The following FMO3 variants were observed in gnomAD, a reference collection of about 807,000 sequenced individuals.
FMO3 encodes flavin containing dimethylaniline monoxygenase 3, also known as flavin-containing monooxygenase 3.
In FMO3, 40 loss-of-function variants were observed where a neutral mutation model predicts 39.4. The observed-to-expected ratio is 1.02, with a 90% CI of 0.79 to 1.32. The LOEUF (loss-of-function observed/expected upper bound fraction) is 1.32. FMO3 is among the 40% of genes most tolerant of loss of function. The pLI, the probability that FMO3 is intolerant of heterozygous loss-of-function variation, is 0.00. For synonymous variants in FMO3, 219 were observed against 228.8 expected (o/e 0.96, Z 0.39); for missense variants, 680 against 651.8 (o/e 1.04, Z -0.47).
At chr1:171,104,842 C>T (rs188059104) in intron 3 of FMO3, among the ~76,000 whole-genome samples, 5 of 151,996 alleles carry the variant, frequency 3.3e-5, no homozygotes, top group Non-Finnish European at 7.4e-5. Context: ...CCACTGCACT[C>T]CAGCCTGGGC....
chr1:171,103,682 C>T, intron 2 of FMO3, 103 bp from the exon 3 acceptor site: 1 of 969,766 alleles, frequency 1.0e-6, no homozygotes, highest in Non-Finnish European at 1.7e-6. Context: ...CTGGAACCTT[C>T]CATAGATACC....
chr1:171,117,339 C>T lies in FMO3; in HGVS notation c.1496C>T (p.Thr499Ile), dbSNP rs1184909488. ...QWDRSLKPMQ[T>I]RVVGRLQKPC... is the part of the protein sequence containing the mutation. ...GACCGGTCGTTGAAACCCATGCAGACACGAGTGGTCGGGAGACTTCAGAAG... is the reference window on the plus strand; with the variant it reads ...GACCGGTCGTTGAAACCCATGCAGATACGAGTGGTCGGGAGACTTCAGAAG... Residue 499 changes from threonine (T) to isoleucine (I), a missense_variant, in exon 9 of 9, where the codon ACA (threonine) becomes ATA (isoleucine). Transcript: ENST00000367755. The T allele has an allele frequency of 6.2e-7, 1 of 1,613,654 alleles. No individual in the cohort carries two copies. The highest frequency in any genetic ancestry group is 1.7e-4 in the Middle Eastern group (1 of 6,054).
At chr1:171,096,071 T>TAAA (rs1491505210) in intron 2 of FMO3, among the ~76,000 whole-genome samples, 3 of 53,660 alleles carry the variant, frequency 5.6e-5, no homozygotes, top group Admixed American at 3.4e-4. Flanking sequence ...ATATTATATA[T>TAAA]TAATATATAA....
chr1:171,101,742 C>A (rs777896523), intron 2 of FMO3: 8 of 517,822 alleles, frequency 1.5e-5, no homozygotes, highest in South Asian at 1.2e-4. Flanking sequence ...GACATTTCAC[C>A]CAGATCTGCG....
At chr1:171,105,983 A>G (rs566471349) in intron 3 of FMO3, among the ~76,000 whole-genome samples, 2 of 150,696 alleles carry the variant, frequency 1.3e-5, no homozygotes, top group South Asian at 2.2e-4. Flanking sequence ...GAGATGTGCT[A>G]TAAGTATAAA....
intron 8 of FMO3, among the ~76,000 whole-genome samples, chr1:171,116,874 A>C (rs1442910984): frequency 3.9e-5 from 6 of 152,324 alleles, no homozygotes; most frequent in Non-Finnish European, 7.3e-5. Flanking sequence ...TTCCAAATGA[A>C]ACCATATGAA....
Position 171,113,988 on chromosome 1 carries a change from GTC to G in FMO3, c.828-15_828-14del, listed in dbSNP as rs1197709388. 1.6e-5 allele frequency: 23 copies of G among 1,468,802 alleles called. No homozygotes were observed. Among genetic ancestry groups the G allele is most frequent in the Non-Finnish European group, 2.1e-5 (22 of 1,057,240 alleles). 91.0% of individuals were successfully genotyped at this position (1,468,802 alleles called of 1,614,324 possible). ...GGGAAATATTACACTTCCAATAATTGTCTCTGTTTTCCATACAGAGTCCTGAG... is the reference window on the plus strand; with the variant it reads ...GGGAAATATTACACTTCCAATAATTGTCTGTTTTCCATACAGAGTCCTGAG... On this transcript the variant is annotated splice_polypyrimidine_tract_variant and intron_variant, in intron 6 of 8. Coordinates refer to ENST00000367755, the MANE Select transcript of FMO3 (RefSeq NM_001002294.3).
chr1:171,095,598 A>T (rs1230503996), intron 2 of FMO3, among the ~76,000 whole-genome samples: 1 of 151,090 alleles, frequency 6.6e-6, no homozygotes, highest in African/African-American at 2.4e-5. Context: ...TATTTAATGA[A>T]ACAGTGTCTG....
intron 3 of FMO3, among the ~76,000 whole-genome samples, chr1:171,106,337 T>C (rs1207219650): frequency 1.3e-5 from 2 of 152,032 alleles, no homozygotes; most frequent in African/African-American, 4.8e-5. Flanking sequence ...ATGGGGTTTC[T>C]CCATGTTGGT....
chr1:171,103,054 A>G (rs1460097772), intron 2 of FMO3, among the ~76,000 whole-genome samples: 1 of 152,094 alleles, frequency 6.6e-6, no homozygotes, highest in African/African-American at 2.4e-5. Context: ...AATAGTTGCA[A>G]CCTCTTGTTA....
At chr1:171,110,576 C>A (rs1008654581) in intron 5 of FMO3, among the ~76,000 whole-genome samples, 7 of 152,122 alleles carry the variant, frequency 4.6e-5, no homozygotes, top group Non-Finnish European at 7.4e-5. Flanking sequence ...ATTGACCAGT[C>A]ACTAGATGGA....
rs926215792 is a variant in FMO3, at chr1:171,109,776, A to G, written c.628-1022A>G. 8.6e-5 allele frequency among the ~76,000 whole-genome samples: 13 copies of G among 152,034 alleles called. 1 individual carries two copies. The highest frequency in any genetic ancestry group is 3.9e-4 in the Admixed American group (6 of 15,246). On this transcript the variant is annotated intron_variant, in intron 5 of 8. Coordinates refer to ENST00000367755, the MANE Select transcript of FMO3 (RefSeq NM_001002294.3). Reference sequence around the variant, plus strand: ...AGGCTGGTCTTGAACTCCTGACCTCAGATGATCTGCCCACCTAGGCCTCCC... The same window carrying G: ...AGGCTGGTCTTGAACTCCTGACCTCGGATGATCTGCCCACCTAGGCCTCCC...
chr1:171,092,731 G>T lies in FMO3; in HGVS notation c.73G>T (p.Gly25Trp). 6.2e-7 allele frequency: 1 copy of T among 1,614,110 alleles called. No individual in the cohort carries two copies. Among genetic ancestry groups the T allele is most frequent in the Non-Finnish European group, 8.5e-7 (1 of 1,179,998 alleles). ...CTCCATCAGGAGCTGTCTGGAAGAG[G>T]GGCTGGAGCCCACCTGCTTTGAGAA... is the stretch of plus-strand genomic sequence containing the variant. ...LASIRSCLEE[G>W]LEPTCFEKSN... The change falls in exon 2 of 9, where the codon GGG becomes TGG. Residue 25 changes from glycine (G) to tryptophan (W), a missense_variant. Gly to Trp is a radical substitution (Grantham distance 184). Transcript: ENST00000367755.
rs191066239 is a variant in FMO3 at position 171,107,627 on chromosome 1, C to T, written c.322-48C>T. Reference sequence around the variant, plus strand: ...TTTTTTCATACTGTATCTGCCAAAACCATTTGCTAGCATAGAAAAGAGGGA... The same window carrying T: ...TTTTTTCATACTGTATCTGCCAAAATCATTTGCTAGCATAGAAAAGAGGGA... On this transcript the variant is annotated intron_variant, in intron 3 of 8. Transcript: ENST00000367755. The T allele has an allele frequency of 3.5e-4, 541 of 1,544,462 alleles. 1 individual carries two copies. In the African/African-American group the frequency reaches 5.6e-3, roughly 16 times the overall value.
At chr1:171,113,983 T>G in intron 6 of FMO3, 24 bp from the exon 7 acceptor site, 1 of 1,442,186 alleles carries the variant, frequency 6.9e-7, no homozygotes, top group Non-Finnish European at 9.7e-7. Flanking sequence ...ACACTTCCAA[T>G]AATTGTCTCT....
chr1:171,103,433 T>C (rs1260327709), intron 2 of FMO3, among the ~76,000 whole-genome samples: 1 of 152,140 alleles, frequency 6.6e-6, no homozygotes, highest in East Asian at 1.9e-4. Flanking sequence ...TTTTTGCAAG[T>C]TCTGCATCCA....
chr1:171,098,586 T>C (rs138733362), intron 2 of FMO3, among the ~76,000 whole-genome samples: 52,084 of 151,928 alleles, frequency 0.34, 9,608 homozygotes, highest in South Asian at 0.46. Flanking sequence ...ATTTGGCTCT[T>C]TGTTTGTCTG....
chr1:171,096,965 A>T (rs78245463), intron 2 of FMO3, among the ~76,000 whole-genome samples: 1 of 143,628 alleles, frequency 7.0e-6, no homozygotes, highest in Non-Finnish European at 1.5e-5. Context: ...AACAGGCCCC[A>T]GTGTGTGATA....
At chr1:171,112,224 A>G (rs185557696) in intron 6 of FMO3, among the ~76,000 whole-genome samples, 3 of 152,314 alleles carry the variant, frequency 2.0e-5, no homozygotes, top group African/African-American at 4.8e-5. Flanking sequence ...GGCCTTGTAG[A>G]TCATTGTAAG....
Sources: gnomAD v4.1 joint callset for allele counts (sites outside exome capture counted in the v4.1 genomes callset) on GRCh38, gnomAD v4.1.1 for gene constraint, MANE v1.5 for transcripts, NCBI Gene and HGNC (gene_info 2026-07-23, HGNC 2026-07-21) for gene names.